Variants in XRCC4 observed in about 807,000 individuals in gnomAD.
XRCC4 encodes X-ray repair cross complementing 4.
XRCC4 carries 28 observed loss-of-function variants against 39.1 expected under a neutral mutation model. The observed-to-expected ratio is 0.72, with a 90% CI of 0.53 to 0.98. XRCC4 has a LOEUF of 0.98. XRCC4 is among the 50% of genes least tolerant of loss of function. The pLI is 0.00. For missense variants in XRCC4, 350 were observed against 376.4 expected (o/e 0.93, Z 0.58); for synonymous variants, 123 against 126.4 (o/e 0.97, Z 0.18).
chr5:83,091,411 G>A lies in XRCC4; in HGVS notation c.-10-13499G>A, dbSNP rs375415075. On this transcript the variant is annotated intron_variant, in intron 1 of 7. Transcript: ENST00000396027. ...TTATGAGAACAGCATGGGGGAAGTC[G>A]TCCCTGTGATCCAATCACCTCCCAC... is the stretch of plus-strand genomic sequence containing the variant. Among the ~76,000 whole-genome samples the A allele has an allele frequency of 2.2e-4, 33 of 152,208 alleles. No individual in the cohort carries two copies. In the East Asian group the frequency reaches 3.1e-3, roughly 14 times the overall value.
intron 7 of XRCC4, among the ~76,000 whole-genome samples, chr5:83,267,312 G>A (rs1230407439): frequency 1.3e-5 from 2 of 152,048 alleles, no homozygotes; most frequent in Non-Finnish European, 2.9e-5. Flanking sequence ...AGTTCTAATT[G>A]AACCCCATCC....
chr5:83,321,850 T>G (rs138375667), intron 7 of XRCC4, among the ~76,000 whole-genome samples: 22 of 151,874 alleles, frequency 1.4e-4, no homozygotes, highest in African/African-American at 4.3e-4. Context: ...TTCCTTATTA[T>G]CCATGATTAA....
At chr5:83,360,169 A>G in the XRCC4 span, among the ~76,000 whole-genome samples, 1 of 152,258 alleles carries the variant, frequency 6.6e-6, no homozygotes, top group South Asian at 2.1e-4. Context: ...GAGTTATAGC[A>G]TTTTTATGTT....
intron 1 of XRCC4, among the ~76,000 whole-genome samples, chr5:83,097,036 T>A (rs148641090): frequency 4.6e-5 from 7 of 152,336 alleles, no homozygotes; most frequent in Admixed American, 4.6e-4. Context: ...ATTTTGAGAA[T>A]GTATAACCCA....
the XRCC4 span, among the ~76,000 whole-genome samples, chr5:83,359,959 C>G: frequency 6.6e-6 from 1 of 152,030 alleles, no homozygotes; most frequent in African/African-American, 2.4e-5. Flanking sequence ...TAATCACTGA[C>G]AGATTTTAGT....
intron 7 of XRCC4, among the ~76,000 whole-genome samples, chr5:83,326,914 C>T (rs973419196): frequency 5.9e-5 from 9 of 151,922 alleles, no homozygotes; most frequent in African/African-American, 1.9e-4. Context: ...ATGAACAATA[C>T]GCTGTTTTTA....
At chr5:83,367,318 C>A in the XRCC4 span, among the ~76,000 whole-genome samples, 1 of 152,154 alleles carries the variant, frequency 6.6e-6, no homozygotes, top group Non-Finnish European at 1.5e-5. Context: ...ATGTGCAAAT[C>A]ATATGTCCAA....
chr5:83,216,657 T>C (rs575456177), intron 6 of XRCC4, among the ~76,000 whole-genome samples: 3 of 152,214 alleles, frequency 2.0e-5, no homozygotes, highest in Non-Finnish European at 4.4e-5. Flanking sequence ...TACTGATAGA[T>C]ACTTATTGTG....
chr5:83,133,071 G>T (rs1015721147), intron 3 of XRCC4, among the ~76,000 whole-genome samples: 6 of 152,098 alleles, frequency 3.9e-5, no homozygotes, highest in Admixed American at 3.9e-4. Context: ...GGGTTTTGGT[G>T]TGGATGTCCT....
At chr5:83,135,492 T>C (rs1273805279) in intron 3 of XRCC4, among the ~76,000 whole-genome samples, 2 of 152,084 alleles carry the variant, frequency 1.3e-5, no homozygotes, top group Non-Finnish European at 2.9e-5. Flanking sequence ...TCTTTGTTTA[T>C]TGAGCTTTGA....
chr5:83,105,086 G>A, intron 2 of XRCC4, 28 bp downstream of exon 2: 1 of 1,588,778 alleles, frequency 6.3e-7, no homozygotes, highest in Non-Finnish European at 8.5e-7. Context: ...GTTTTTATAA[G>A]TAAAATTTAA....
intron 1 of XRCC4, chr5:83,077,853 C>G (rs1246387172): frequency 6.4e-6 from 1 of 156,714 alleles, no homozygotes; most frequent in Non-Finnish European, 1.4e-5. Context: ...TCAGTTTCTC[C>G]GTTTGCATCT....
At chr5:83,159,820 A>G (rs531070441) in intron 3 of XRCC4, among the ~76,000 whole-genome samples, 7 of 152,178 alleles carry the variant, frequency 4.6e-5, no homozygotes, top group Non-Finnish European at 1.0e-4. Flanking sequence ...TTATTTCCAA[A>G]TAAGATTTTA....
chr5:83,373,173 CCAG>C, the XRCC4 span, among the ~76,000 whole-genome samples: 1 of 151,948 alleles, frequency 6.6e-6, no homozygotes. Flanking sequence ...GCAGCTCTAC[CCAG>C]CATTGGCTCC....
intron 7 of XRCC4, among the ~76,000 whole-genome samples, chr5:83,313,402 G>T (rs748559144): frequency 6.6e-6 from 1 of 151,956 alleles, no homozygotes; most frequent in African/African-American, 2.4e-5. Flanking sequence ...AAAAAATCTC[G>T]TTGTATAGAC....
rs112372412 is a variant in XRCC4 at position 83,143,865 on chromosome 5, T to C, written c.315+32662T>C. On this transcript the variant is annotated intron_variant, in intron 3 of 7. Transcript: ENST00000396027. Reference sequence around the variant, plus strand: ...TTAATATTTTCTCTTTAACTTTGATTTTTAGCAGCTCGACTATGATGTGCC... The same window carrying C: ...TTAATATTTTCTCTTTAACTTTGATCTTTAGCAGCTCGACTATGATGTGCC... 1.4e-3 allele frequency among the ~76,000 whole-genome samples: 212 copies of C among 152,262 alleles called. 1 individual carries two copies. The highest frequency in any genetic ancestry group is 5.1e-3 in the African/African-American group (210 of 41,580).
chr5:83,081,998 C>A (rs916296349), intron 1 of XRCC4, among the ~76,000 whole-genome samples: 1 of 152,064 alleles, frequency 6.6e-6, no homozygotes. Flanking sequence ...ATCCTTGACT[C>A]CTTCCTTTCT....
At chr5:83,259,719 T>A (rs1357196378) in intron 7 of XRCC4, among the ~76,000 whole-genome samples, 1 of 152,122 alleles carries the variant, frequency 6.6e-6, no homozygotes, top group Non-Finnish European at 1.5e-5. Context: ...GTGTTATTTT[T>A]AAATGAATTA....
intron 3 of XRCC4, among the ~76,000 whole-genome samples, chr5:83,146,953 G>C (rs886231620): frequency 6.6e-6 from 1 of 152,186 alleles, no homozygotes; most frequent in Non-Finnish European, 1.5e-5. Flanking sequence ...ATATTTGCTG[G>C]AAGAGAGAAT....
Sources: allele counts gnomAD v4.1 joint callset (sites outside exome capture counted in the v4.1 genomes callset), GRCh38; gene constraint gnomAD v4.1.1; transcripts MANE v1.5; gene names NCBI Gene and HGNC (gene_info 2026-07-23, HGNC 2026-07-21).